The following ZFHX3 variants were observed in gnomAD, a reference collection of about 807,000 sequenced individuals.
ZFHX3 encodes the protein zinc finger homeobox protein 3.
Under a neutral mutation model 279.1 loss-of-function variants are expected in ZFHX3, and 42 were observed. The observed-to-expected ratio is 0.15, with a 90% CI of 0.12 to 0.19. The LOEUF is 0.19. Among genes scored for constraint, ZFHX3 ranks in the 10% least tolerant of loss-of-function variants. ZFHX3 has a pLI of 1.00. For synonymous variants in ZFHX3, 2,293 were observed against 1,957.8 expected, an observed-to-expected ratio of 1.17 and a Z score of -4.52; for missense variants, 4,981 against 4,754.0, an observed-to-expected ratio of 1.05 and a Z score of -1.40.
intron 6 of ZFHX3, chr16:73,134,520 A>C (rs1430357375): frequency 1.3e-5 from 2 of 148,770 alleles, no homozygotes; most frequent in Non-Finnish European, 3.0e-5. Context: ...TTTTTTTTAG[A>C]TATGGGGCCT....
intron 2 of ZFHX3, among the ~76,000 whole-genome samples, chr16:73,601,070 G>A (rs547985258): frequency 6.6e-6 from 1 of 151,864 alleles, no homozygotes; most frequent in East Asian, 1.9e-4. Flanking sequence ...GTCTGGCTTT[G>A]AAGTGTGAGA....
At chr16:73,786,613 C>A (rs751726694) in intron 1 of ZFHX3, among the ~76,000 whole-genome samples, 2 of 152,072 alleles carry the variant, frequency 1.3e-5, no homozygotes, top group African/African-American at 4.8e-5. Flanking sequence ...GCAGGGGGGG[C>A]CAAAGAGGTC....
intron 3 of ZFHX3, among the ~76,000 whole-genome samples, chr16:73,453,176 T>G (rs538470275): frequency 5.6e-4 from 85 of 152,362 alleles, no homozygotes; most frequent in Non-Finnish European, 9.6e-4. Context: ...GTTGACTGAT[T>G]GAATTACTGG....
upstream of ZFHX3, among the ~76,000 whole-genome samples, chr16:73,064,114 T>C (rs964055249): frequency 1.3e-5 from 2 of 151,912 alleles, no homozygotes; most frequent in Admixed American, 6.5e-5. Context: ...AAAAAGGAGT[T>C]TTTTGGTGGG....
intron 3 of ZFHX3, among the ~76,000 whole-genome samples, chr16:72,936,983 G>T (rs138865047): frequency 4.1e-4 from 62 of 152,262 alleles, no homozygotes; most frequent in African/African-American, 1.4e-3. Flanking sequence ...GGCTGTAGGG[G>T]AGCAAAAGAC....
chr16:73,240,790 GAAT>G (rs1276607988), intron 5 of ZFHX3, among the ~76,000 whole-genome samples: 9 of 152,172 alleles, frequency 5.9e-5, no homozygotes, highest in African/African-American at 1.9e-4. Flanking sequence ...CGGAATCTGT[GAAT>G]AATGAGGTAA....
At chr16:73,693,753 A>T (rs954268040) in intron 1 of ZFHX3, among the ~76,000 whole-genome samples, 2 of 152,144 alleles carry the variant, frequency 1.3e-5, no homozygotes, top group African/African-American at 4.8e-5. Flanking sequence ...ACACAAAATA[A>T]AATATCCACC....
chr16:72,912,111 C>T (rs754498456), intron 3 of ZFHX3, among the ~76,000 whole-genome samples: 8 of 152,204 alleles, frequency 5.3e-5, no homozygotes, highest in Admixed American at 5.2e-4. Flanking sequence ...TGTGCCATTG[C>T]TGCCTGTACC....
intron 3 of ZFHX3, among the ~76,000 whole-genome samples, chr16:73,344,278 G>C (rs934331498): frequency 6.6e-6 from 1 of 152,078 alleles, no homozygotes; most frequent in African/African-American, 2.4e-5. Context: ...TCATCACCTA[G>C]ATCTAATCAT....
At chr16:73,526,498 A>G (rs148194317) in intron 2 of ZFHX3, among the ~76,000 whole-genome samples, 235 of 152,334 alleles carry the variant, frequency 1.5e-3, no homozygotes, top group African/African-American at 4.9e-3. Flanking sequence ...AAAACCTATA[A>G]AATACAAAAC....
intron 3 of ZFHX3, among the ~76,000 whole-genome samples, chr16:73,379,120 G>A (rs1196675946): frequency 2.0e-5 from 3 of 152,152 alleles, no homozygotes; most frequent in Non-Finnish European, 4.4e-5. Flanking sequence ...CTATACCCTT[G>A]TATCTGCATA....
intron 2 of ZFHX3, among the ~76,000 whole-genome samples, chr16:73,561,377 A>G (rs901132177): frequency 2.0e-5 from 3 of 152,248 alleles, no homozygotes; most frequent in African/African-American, 7.2e-5. Flanking sequence ...ACAATTATCT[A>G]AATCTCCAAA....
Position 72,958,653 on chromosome 16 carries a change from T to C in ZFHX3, c.1493A>G (p.Glu498Gly). Residue 498 changes from glutamate to glycine, a missense_variant, in exon 2 of 10, where the codon GAG (glutamate) becomes GGG (glycine). By Grantham distance (98) the Glu-to-Gly change is moderately conservative. Coordinates refer to ENST00000268489, the MANE Select transcript of ZFHX3 (RefSeq NM_006885.4). ...CCTGTCCTCCAGTTCCTCATCCAACTCGCTTGGAAAGAGTCCTTTGCAACC... is the reference window on the plus strand; with the variant it reads ...CCTGTCCTCCAGTTCCTCATCCAACCCGCTTGGAAAGAGTCCTTTGCAACC... Reference protein sequence around the residue: ...DEGCKGLFPSELDEELEDRPH... With the variant: ...DEGCKGLFPSGLDEELEDRPH... 1 of 1,614,054 alleles carries C rather than the reference T, an allele frequency of 6.2e-7. No individual in the cohort carries two copies. The highest frequency in any genetic ancestry group is 1.1e-5 in the South Asian group (1 of 91,068).
At chr16:73,744,027 C>A (rs1280938481) in intron 1 of ZFHX3, among the ~76,000 whole-genome samples, 1 of 152,090 alleles carries the variant, frequency 6.6e-6, no homozygotes, top group Non-Finnish European at 1.5e-5. Flanking sequence ...ATTCCGCAAA[C>A]CGACCCCCGC....
intron 1 of ZFHX3, among the ~76,000 whole-genome samples, chr16:72,972,652 T>C (rs919067552): frequency 3.0e-4 from 46 of 152,228 alleles, no homozygotes; most frequent in African/African-American, 1.0e-3. Flanking sequence ...GTCGCCAAGA[T>C]TTCTGTCCTC....
chr16:73,684,673 T>C (rs895862717), intron 1 of ZFHX3, among the ~76,000 whole-genome samples: 1 of 151,154 alleles, frequency 6.6e-6, no homozygotes, highest in Non-Finnish European at 1.5e-5. Context: ...TATCTGCATG[T>C]GCCCCTGCAA....
At chr16:73,449,699 A>G (rs924392231) in intron 3 of ZFHX3, among the ~76,000 whole-genome samples, 8 of 152,192 alleles carry the variant, frequency 5.3e-5, no homozygotes, top group Non-Finnish European at 1.0e-4. Context: ...GTAAAACAAT[A>G]ACTAGTAAAA....
In ZFHX3 at chr16:72,835,645, A is replaced by G. The variant is rs147840258; in HGVS notation, c.3449-5786T>C. Among the ~76,000 whole-genome samples the G allele has an allele frequency of 4.3e-4, 65 of 152,166 alleles. No individual in the cohort carries two copies. The South Asian group carries it at 6.5e-3, about 15-fold the overall frequency. Reference sequence around the variant, plus strand: ...AAGGCGGGGTACACTCTGACCATCAAGACTGACACGGAGGATGGCAGCTAC... The same window carrying G: ...AAGGCGGGGTACACTCTGACCATCAGGACTGACACGGAGGATGGCAGCTAC... On this transcript the variant is annotated intron_variant, in intron 4 of 9. Transcript: ENST00000268489.
intron 3 of ZFHX3, among the ~76,000 whole-genome samples, chr16:73,324,548 AC>A (rs1249094308): frequency 6.6e-6 from 1 of 152,210 alleles, no homozygotes; most frequent in Non-Finnish European, 1.5e-5. Context: ...CTTTCTCATT[AC>A]ATGATGGAGA....
Sources: gnomAD v4.1 joint callset for allele counts (sites outside exome capture counted in the v4.1 genomes callset) on GRCh38, gnomAD v4.1.1 for gene constraint, MANE v1.5 for transcripts, NCBI Gene and HGNC (gene_info 2026-07-23, HGNC 2026-07-21) for gene names.